FHIT: variants seen among roughly 807,000 people sequenced by gnomAD.
FHIT encodes the protein fragile histidine triad diadenosine triphosphatase.
FHIT carries 19 observed loss-of-function variants against 17.9 expected under a neutral mutation model. The ratio of observed to expected loss-of-function variants is 1.06; its 90% confidence interval spans 0.74 to 1.56. The LOEUF (loss-of-function observed/expected upper bound fraction) is 1.56. Ranked by LOEUF, FHIT falls within the 40% of genes most tolerant of loss-of-function variation. The probability of loss-of-function intolerance (pLI) is 0.00; values close to 1 mark genes in which losing one functional copy is unlikely to be tolerated. For missense variants in FHIT, 248 were observed against 189.2 expected (o/e 1.31, Z -1.82); for synonymous variants, 81 against 69.7 (o/e 1.16, Z -0.81).
At chr3:61,191,663 G>A (rs1366118134) in intron 2 of FHIT, among the ~76,000 whole-genome samples, 4 of 152,214 alleles carry the variant, frequency 2.6e-5, no homozygotes, top group Non-Finnish European at 4.4e-5. Flanking sequence ...GATAAAACCC[G>A]ATTAGTTTAA....
At chr3:59,987,327 A>C (rs2107461032) in intron 7 of FHIT, among the ~76,000 whole-genome samples, 1 of 151,896 alleles carries the variant, frequency 6.6e-6, no homozygotes, top group African/African-American at 2.4e-5. Context: ...GGCTGTGAAC[A>C]CGGTTAGAAA....
At chr3:61,101,275 A>T (rs943586542) in intron 2 of FHIT, among the ~76,000 whole-genome samples, 1 of 152,216 alleles carries the variant, frequency 6.6e-6, no homozygotes, top group East Asian at 1.9e-4. Context: ...AGCTTTCTAC[A>T]TATGGCTAGC....
At chr3:61,190,988 G>A (rs535705669) in intron 2 of FHIT, among the ~76,000 whole-genome samples, 7 of 150,912 alleles carry the variant, frequency 4.6e-5, no homozygotes, top group African/African-American at 1.5e-4. Context: ...GCTAAATGAC[G>A]AGTTAATGGG....
At chr3:60,635,646 T>G (rs2039565239) in intron 4 of FHIT, among the ~76,000 whole-genome samples, 1 of 152,228 alleles carries the variant, frequency 6.6e-6, no homozygotes, top group Non-Finnish European at 1.5e-5. Context: ...TGACTCTTAG[T>G]ATTTTCTTTT....
chr3:60,359,318 A>G (rs187967374), intron 5 of FHIT, among the ~76,000 whole-genome samples: 1 of 122,708 alleles, frequency 8.1e-6, no homozygotes, highest in East Asian at 2.3e-4. Flanking sequence ...GCCTCGCTCT[A>G]TCGCCAAGCT....
chr3:60,712,866 A>G (rs2107940563), intron 4 of FHIT, among the ~76,000 whole-genome samples: 1 of 145,998 alleles, frequency 6.8e-6, no homozygotes, highest in South Asian at 2.4e-4. Flanking sequence ...TAGACAGATC[A>G]ACGAGACAGA....
intron 8 of FHIT, among the ~76,000 whole-genome samples, chr3:59,899,543 G>C (rs1415350356): frequency 1.3e-5 from 2 of 152,142 alleles, no homozygotes; most frequent in African/African-American, 4.8e-5. Flanking sequence ...TTAAGAATCA[G>C]CTATTGTAGG....
intron 3 of FHIT, among the ~76,000 whole-genome samples, chr3:61,029,770 G>T (rs777706015): frequency 1.3e-4 from 20 of 152,082 alleles, no homozygotes; most frequent in Non-Finnish European, 2.6e-4. Flanking sequence ...AGTCTAACAG[G>T]TTATTCTTAG....
intron 3 of FHIT, among the ~76,000 whole-genome samples, chr3:61,004,348 C>T (rs1015682715): frequency 2.6e-5 from 4 of 152,208 alleles, no homozygotes; most frequent in Middle Eastern, 3.4e-3. Context: ...AAAAGTTGCC[C>T]GGTTTCTCCT....
chr3:60,375,480 C>A (rs970624541), intron 5 of FHIT, among the ~76,000 whole-genome samples: 1 of 151,844 alleles, frequency 6.6e-6, no homozygotes, highest in Non-Finnish European at 1.5e-5. Context: ...GAGGCTGAGG[C>A]ACAAGAATCT....
intron 3 of FHIT, among the ~76,000 whole-genome samples, chr3:60,953,131 T>A (rs1042414431): frequency 6.6e-5 from 10 of 152,200 alleles, no homozygotes; most frequent in Admixed American, 5.9e-4. Flanking sequence ...TGGGGGCATG[T>A]TTTTTAGCCA....
chr3:59,942,028 G>A (rs188411776), intron 7 of FHIT, among the ~76,000 whole-genome samples: 1 of 152,154 alleles, frequency 6.6e-6, no homozygotes, highest in Admixed American at 6.5e-5. Context: ...AAAGCCCTGA[G>A]AACTGGAATC....
intron 5 of FHIT, among the ~76,000 whole-genome samples, chr3:60,087,177 G>C (rs1051995595): frequency 2.0e-5 from 3 of 152,196 alleles, no homozygotes; most frequent in Admixed American, 1.3e-4. Context: ...AGAGCAGCTG[G>C]GATGCAGGGA....
intron 3 of FHIT, among the ~76,000 whole-genome samples, chr3:60,849,788 T>C (rs1553747717): frequency 6.6e-6 from 1 of 152,056 alleles, no homozygotes; most frequent in Admixed American, 6.6e-5. Flanking sequence ...TTTCTCTCTC[T>C]CTCCCTATAT....
At chr3:60,315,554 C>T (rs961986553) in intron 5 of FHIT, among the ~76,000 whole-genome samples, 3 of 152,302 alleles carry the variant, frequency 2.0e-5, no homozygotes, top group Admixed American at 1.3e-4. Flanking sequence ...ATAGAAGGTA[C>T]GCTCTAGCAT....
intron 5 of FHIT, among the ~76,000 whole-genome samples, chr3:60,332,439 G>C (rs1183632011): frequency 6.6e-6 from 1 of 152,206 alleles, no homozygotes; most frequent in Non-Finnish European, 1.5e-5. Context: ...ATCACAGAAA[G>C]AAACTGATTA....
chr3:61,047,212 G>A (rs1421840487), intron 2 of FHIT, among the ~76,000 whole-genome samples: 3 of 152,172 alleles, frequency 2.0e-5, no homozygotes, highest in Non-Finnish European at 4.4e-5. Flanking sequence ...CAGATGACAT[G>A]ATTGTATATT....
intron 1 of FHIT, among the ~76,000 whole-genome samples, chr3:61,211,459 C>T (rs1429135705): frequency 1.3e-5 from 2 of 152,220 alleles, no homozygotes; most frequent in Non-Finnish European, 2.9e-5. Context: ...GGGAGGGGCG[C>T]CCGCCATTGC....
At chr3:60,564,270 A>G (rs1447823232) in intron 4 of FHIT, among the ~76,000 whole-genome samples, 2 of 152,160 alleles carry the variant, frequency 1.3e-5, no homozygotes, top group Admixed American at 1.3e-4. Context: ...TCAGGAAAAA[A>G]CATTCTTTTC....
Sources: gnomAD v4.1 joint callset for allele counts (sites outside exome capture counted in the v4.1 genomes callset) on GRCh38, gnomAD v4.1.1 for gene constraint, MANE v1.5 for transcripts, NCBI Gene and HGNC (gene_info 2026-07-23, HGNC 2026-07-21) for gene names.